Variants in PCSK5 observed in about 807,000 individuals in gnomAD.
PCSK5 encodes prohormone convertase 5.
Under a neutral mutation model 233.2 loss-of-function variants are expected in PCSK5, and 129 were observed. The ratio of observed to expected loss-of-function variants is 0.55; its 90% CI spans 0.48 to 0.64. PCSK5 has a LOEUF of 0.64. Ranked by LOEUF, PCSK5 falls within the 30% of genes least tolerant of loss-of-function variation. PCSK5 has a pLI of 0.00. For synonymous variants in PCSK5, 825 were observed against 879.2 expected, an observed-to-expected ratio of 0.94 and a Z score of 1.09; for missense variants, 2,076 against 2,430.1, an observed-to-expected ratio of 0.85 and a Z score of 3.06.
intron 5 of PCSK5, among the ~76,000 whole-genome samples, chr9:76,067,349 G>A (rs7871177): frequency 0.46 from 69,292 of 151,916 alleles, 17,303 homozygotes; most frequent in African/African-American, 0.67. Flanking sequence ...TATTCAATAA[G>A]ATATTTTAAC....
At chr9:76,050,649 C>T (rs889281945) in intron 5 of PCSK5, among the ~76,000 whole-genome samples, 1 of 152,176 alleles carries the variant, frequency 6.6e-6, no homozygotes. Flanking sequence ...TCTTATAACA[C>T]CTTGTACGTA....
intron 5 of PCSK5, among the ~76,000 whole-genome samples, chr9:76,053,811 A>G (rs908589341): frequency 6.6e-6 from 1 of 151,960 alleles, no homozygotes; most frequent in African/African-American, 2.4e-5. Flanking sequence ...GAAGTTCCAA[A>G]CCTCTGCCTG....
chr9:76,139,154 T>C (rs1249258774), intron 10 of PCSK5, among the ~76,000 whole-genome samples: 1 of 152,146 alleles, frequency 6.6e-6, no homozygotes, highest in Non-Finnish European at 1.5e-5. Flanking sequence ...AATACCTACC[T>C]GTCTTGCTTT....
chr9:76,180,894 GTTTT>G (rs33951103), intron 15 of PCSK5, among the ~76,000 whole-genome samples: 3 of 143,258 alleles, frequency 2.1e-5, no homozygotes, highest in East Asian at 2.1e-4. Flanking sequence ...AAACAAGGAA[GTTTT>G]TTTTTTTTTT....
At position 76,321,476 on chromosome 9, in the gene PCSK5, A is replaced by G; in HGVS notation, c.3939A>G (p.Thr1313=). The part of the protein sequence containing the change: ...ICERCSSPCR[T]CEGNATNCHS... ...AACGCTGTAGCTCTCCTTGCAGAAC[A>G]TGTGAAGGAAACGCCACCAACTGCC... The change falls in exon 31 of 38, where the codon ACA becomes ACG. Residue 1313 remains threonine (T), a synonymous_variant. Transcript: ENST00000674117. The G allele has an allele frequency of 6.2e-7, 1 of 1,612,040 alleles. No homozygotes were observed. Among genetic ancestry groups the G allele is most frequent in the Non-Finnish European group, 8.5e-7 (1 of 1,179,160 alleles).
At position 76,036,636 on chromosome 9, in the gene PCSK5, C is replaced by G. The variant is rs554002324; in HGVS notation, c.632+9599C>G. Among the ~76,000 whole-genome samples, 339 of 152,328 alleles carry G rather than the reference C, an allele frequency of 2.2e-3. 1 individual carries two copies. Among genetic ancestry groups the G allele is most frequent in the Non-Finnish European group, 3.5e-3 (239 of 68,024 alleles). On this transcript the variant is annotated intron_variant, in intron 5 of 37. Coordinates refer to ENST00000674117, the MANE Select transcript of PCSK5 (RefSeq NM_001372043.1). Reference sequence around the variant, plus strand: ...TATTTGAGTGCAATGTAAACAACTGCTAATAAAATTAGTACATCTGCATGT... The same window carrying G: ...TATTTGAGTGCAATGTAAACAACTGGTAATAAAATTAGTACATCTGCATGT...
chr9:76,281,265 G>A (rs566940262), intron 24 of PCSK5, among the ~76,000 whole-genome samples: 1 of 152,298 alleles, frequency 6.6e-6, no homozygotes, highest in South Asian at 2.1e-4. Flanking sequence ...AGAAGTCAAC[G>A]CCTGGCTTCA....
intron 5 of PCSK5, among the ~76,000 whole-genome samples, chr9:76,064,326 A>C (rs1461473056): frequency 1.6e-4 from 9 of 57,766 alleles, no homozygotes; most frequent in South Asian, 8.3e-4. Context: ...GGCGCCCCTC[A>C]CCTCCCGGAC....
At chr9:76,259,485 A>G (rs183896630) in intron 24 of PCSK5, among the ~76,000 whole-genome samples, 3 of 145,612 alleles carry the variant, frequency 2.1e-5, no homozygotes, top group African/African-American at 7.7e-5. Context: ...ACACACACAC[A>G]CACTCACTTC....
chr9:76,241,545 T>C (rs1302201671), intron 24 of PCSK5, among the ~76,000 whole-genome samples: 2 of 152,226 alleles, frequency 1.3e-5, no homozygotes, highest in Non-Finnish European at 2.9e-5. Context: ...TTCCCCATCA[T>C]GCAATGCAAA....
intron 10 of PCSK5, among the ~76,000 whole-genome samples, chr9:76,151,034 G>T (rs1335404961): frequency 6.6e-6 from 1 of 151,380 alleles, no homozygotes; most frequent in African/African-American, 2.4e-5. Flanking sequence ...CTATACTTAG[G>T]TGTTTACATT....
intron 2 of PCSK5, among the ~76,000 whole-genome samples, chr9:75,933,837 T>C (rs1018172955): frequency 6.6e-6 from 1 of 152,244 alleles, no homozygotes; most frequent in Non-Finnish European, 1.5e-5. Context: ...CAAAGTCATA[T>C]TTTTCATCTC....
At chr9:76,324,061 G>T (rs1368498449) in intron 32 of PCSK5, among the ~76,000 whole-genome samples, 1 of 151,872 alleles carries the variant, frequency 6.6e-6, no homozygotes, top group Non-Finnish European at 1.5e-5. Flanking sequence ...GAGTAACTGG[G>T]ACTACAGGCG....
rs564517759 is a variant in PCSK5, at chr9:76,181,325, A to G, written c.2004-73A>G. The G allele has an allele frequency of 3.6e-5, 47 of 1,306,358 alleles. No homozygotes were observed. In the African/African-American group the frequency reaches 6.5e-4, roughly 18 times the overall value. 80.9% of individuals were successfully genotyped at this position (1,306,358 alleles called of 1,614,324 possible). ...GGAAGCTGAGCTCAGCCATTTGCTC[A>G]GCACCTCCAAGAGAATGCTGGGGAC... On this transcript the variant is annotated intron_variant, in intron 15 of 37. Transcript: ENST00000674117.
intron 37 of PCSK5, among the ~76,000 whole-genome samples, chr9:76,355,839 G>C (rs1323918851): frequency 6.6e-6 from 1 of 151,982 alleles, no homozygotes; most frequent in Non-Finnish European, 1.5e-5. Context: ...GAGTAGCTTG[G>C]ATTACAGGTG....
intron 20 of PCSK5, among the ~76,000 whole-genome samples, chr9:76,222,331 TA>T (rs991353768): frequency 3.9e-5 from 6 of 152,006 alleles, no homozygotes; most frequent in Non-Finnish European, 7.4e-5. Context: ...GATATTTTTT[TA>T]AAAAAATATT....
At chr9:76,028,873 G>A (rs927035403) in intron 5 of PCSK5, among the ~76,000 whole-genome samples, 13 of 152,180 alleles carry the variant, frequency 8.5e-5, no homozygotes, top group African/African-American at 3.1e-4. Flanking sequence ...AGGAATGAAC[G>A]AGGACAGCTT....
intron 24 of PCSK5, among the ~76,000 whole-genome samples, chr9:76,255,067 A>G: frequency 6.6e-6 from 1 of 152,132 alleles, no homozygotes; most frequent in East Asian, 1.9e-4. Flanking sequence ...TGGGTGGATC[A>G]CTTGAGGCCA....
chr9:76,212,772 T>A (rs1257268505), intron 20 of PCSK5, among the ~76,000 whole-genome samples: 1 of 152,248 alleles, frequency 6.6e-6, no homozygotes, highest in Non-Finnish European at 1.5e-5. Flanking sequence ...AAATACTTTA[T>A]CAAATTTAGT....
Sources: gnomAD v4.1 joint callset for allele counts (sites outside exome capture counted in the v4.1 genomes callset) on GRCh38, gnomAD v4.1.1 for gene constraint, MANE v1.5 for transcripts, NCBI Gene and HGNC (gene_info 2026-07-23, HGNC 2026-07-21) for gene names.